Variants in IFNLR1 observed in about 807,000 individuals in gnomAD.
The protein encoded by IFNLR1 is CRF2-12.
A neutral mutation model predicts 52.5 loss-of-function variants in IFNLR1; 28 were observed. The observed-to-expected ratio is 0.53, with a 90% confidence interval of 0.40 to 0.73. IFNLR1 has a LOEUF of 0.73. Among genes scored for constraint, IFNLR1 ranks in the 30% least tolerant of loss-of-function variants. The pLI, the probability that IFNLR1 is intolerant of heterozygous loss-of-function variation, is 0.00. For synonymous variants in IFNLR1, 276 were observed against 274.9 expected (o/e 1.00, Z -0.04); for missense variants, 623 against 659.1 (o/e 0.95, Z 0.60).
In IFNLR1 at chr1:24,175,503, A is replaced by G. The variant is rs72650411; in HGVS notation, c.182+5228T>C. On this transcript the variant is annotated intron_variant, in intron 2 of 6. Transcript: ENST00000327535. ...GCATGTCCCATCACTTTATTTTCAA[A>G]GCACATAACCTGTCTGGTTTCACAG... Among the ~76,000 whole-genome samples the G allele has an allele frequency of 8.2e-3, 1,252 of 152,352 alleles. 15 individuals carry two copies. The highest frequency in any genetic ancestry group is 0.027 in the East Asian group (142 of 5,178).
intron 2 of IFNLR1, among the ~76,000 whole-genome samples, chr1:24,175,323 T>TG (rs1251224971): frequency 6.6e-6 from 1 of 152,234 alleles, no homozygotes; most frequent in Non-Finnish European, 1.5e-5. Context: ...GCCGCCCCAG[T>TG]GGGCCCAAAG....
At chr1:24,161,340 T>G in intron 4 of IFNLR1, 1 of 630,156 alleles carries the variant, frequency 1.6e-6, no homozygotes, top group East Asian at 2.8e-5. Flanking sequence ...CTGTACTGAA[T>G]CTGTTGACTT....
rs751730039 is a variant in IFNLR1, at chr1:24,157,649, A to G, written c.1044T>C (p.Ser348=). 6.2e-7 allele frequency: 1 copy of G among 1,609,034 alleles called. No individual in the cohort carries two copies. The highest frequency in any genetic ancestry group is 8.5e-7 in the Non-Finnish European group (1 of 1,177,546). The part of the protein sequence containing the change: ...VSFQPYIEPP[S]FLGQEHQAPG... ...GAGCCTGGTGCTCTTGCCCCAGGAA[A>G]GAAGGTGGTTCAATGTAGGGCTGGA... Residue 348 remains serine, a synonymous_variant, in exon 7 of 7, where the codon TCT becomes TCC. Transcript: ENST00000327535. The surrounding 1 kb of genome is among the most constrained non-coding windows in gnomAD (Gnocchi z 5.1).
At chr1:24,184,220 C>G (rs74060578) in intron 1 of IFNLR1, among the ~76,000 whole-genome samples, 1,696 of 152,282 alleles carry the variant, frequency 0.011, 27 homozygotes, top group African/African-American at 0.038. Context: ...CAGTTCTGCC[C>G]CTGGATATCC....
intron 2 of IFNLR1, 109 bp from the exon 3 acceptor site, chr1:24,169,710 G>T: frequency 1.7e-6 from 2 of 1,146,524 alleles, no homozygotes; most frequent in Non-Finnish European, 2.5e-6. Context: ...CTGACTTTAG[G>T]TCCATCCGTC....
intron 2 of IFNLR1, among the ~76,000 whole-genome samples, chr1:24,175,231 C>T (rs1257205174): frequency 6.6e-6 from 1 of 152,218 alleles, no homozygotes; most frequent in African/African-American, 2.4e-5. Flanking sequence ...ACACTGTCCC[C>T]TCCTTAGTTT....
intron 2 of IFNLR1, among the ~76,000 whole-genome samples, chr1:24,176,394 C>G (rs1017440988): frequency 6.6e-6 from 1 of 152,186 alleles, no homozygotes; most frequent in African/African-American, 2.4e-5. Context: ...CGTCTTACAT[C>G]TTGATTGTGG....
At chr1:24,184,799 A>C (rs115855556) in intron 1 of IFNLR1, among the ~76,000 whole-genome samples, 9,875 of 152,150 alleles carry the variant, frequency 0.065, 456 homozygotes, top group Non-Finnish European at 0.095. Flanking sequence ...TAGGCAAATC[A>C]CCTGAGGTCA....
chr1:24,164,759 C>CTT (rs61550265), intron 3 of IFNLR1, among the ~76,000 whole-genome samples: 11 of 140,568 alleles, frequency 7.8e-5, no homozygotes, highest in Admixed American at 2.9e-4. Flanking sequence ...GGAGCAATCT[C>CTT]TTTTTTTTTT....
chr1:24,169,051 G>T (rs901615049), intron 3 of IFNLR1, among the ~76,000 whole-genome samples: 30 of 151,904 alleles, frequency 2.0e-4, no homozygotes, highest in African/African-American at 7.3e-4. Flanking sequence ...GCCCAGAATT[G>T]GTTTTAAACA....
intron 3 of IFNLR1, among the ~76,000 whole-genome samples, chr1:24,166,520 G>C (rs1644521775): frequency 6.6e-6 from 1 of 151,494 alleles, no homozygotes; most frequent in South Asian, 2.1e-4. Context: ...CCACCCATCT[G>C]CCTTTTCTTC....
At chr1:24,186,797 G>A (rs910916284) in intron 1 of IFNLR1, among the ~76,000 whole-genome samples, 4 of 152,346 alleles carry the variant, frequency 2.6e-5, no homozygotes, top group Admixed American at 6.5e-5. Flanking sequence ...GGAACGGGAA[G>A]GGACATCAAT....
rs570292636 is a variant in IFNLR1 at position 24,157,747 on chromosome 1, T to C, written c.946A>G (p.Thr316Ala). 14 of 1,614,082 alleles carry C rather than the reference T, an allele frequency of 8.7e-6. No homozygotes were observed. In the African/African-American group the frequency reaches 1.6e-4, roughly 18 times the overall value. ...PRVRAPATQQTRWKKDLAEDE... is the reference protein window; with the variant it reads ...PRVRAPATQQARWKKDLAEDE... ...TCTGCAAGGTCCTTCTTCCATCTTG[T>C]CTGTTGGGTGGCTGGGGCCCTGACT... The change falls in exon 7 of 7, where the codon ACA (threonine) becomes GCA (alanine). Residue 316 changes from threonine (T) to alanine (A), a missense_variant. By Grantham distance (58) the Thr-to-Ala change is moderately conservative. Coordinates refer to ENST00000327535, the MANE Select transcript of IFNLR1 (RefSeq NM_170743.4). The surrounding 1 kb of genome is among the most constrained non-coding windows in gnomAD (Gnocchi z 5.1).
At chr1:24,170,705 T>C (rs779851275) in intron 2 of IFNLR1, among the ~76,000 whole-genome samples, 6 of 152,132 alleles carry the variant, frequency 3.9e-5, no homozygotes, top group Non-Finnish European at 7.4e-5. Flanking sequence ...AAGGAGGCCA[T>C]GGTAGGGATG....
Position 24,169,493 on chromosome 1 carries a change from C to T in IFNLR1, c.291G>A (p.Lys97=), listed in dbSNP as rs1403716877. The T allele has an allele frequency of 3.1e-6, 5 of 1,614,212 alleles. No individual in the cohort carries two copies. The highest frequency in any genetic ancestry group is 4.2e-6 in the Non-Finnish European group (5 of 1,180,044). ...TGGGAGAAACCGTCCGCACGCGTCC[C>T]TTGAACTTGTTGTACAGGTCCTGTT... ...LKKQDLYNKF[K]GRVRTVSPSS... is the part of the protein sequence containing the mutation. Residue 97 remains lysine (K), a synonymous_variant, in exon 3 of 7, where the codon AAG becomes AAA. Transcript: ENST00000327535.
At chr1:24,172,517 G>C (rs1644591481) in intron 2 of IFNLR1, among the ~76,000 whole-genome samples, 1 of 151,986 alleles carries the variant, frequency 6.6e-6, no homozygotes. Flanking sequence ...TAAATCAGAA[G>C]GAATACAAGA....
At chr1:24,179,043 T>C (rs1014567049) in intron 2 of IFNLR1, among the ~76,000 whole-genome samples, 6 of 152,036 alleles carry the variant, frequency 3.9e-5, no homozygotes, top group African/African-American at 1.2e-4. Context: ...TGGGCTCAAG[T>C]GATCCTCCCC....
chr1:24,158,736 C>T (rs531259598), intron 6 of IFNLR1, among the ~76,000 whole-genome samples: 13 of 152,320 alleles, frequency 8.5e-5, no homozygotes, highest in African/African-American at 2.9e-4. Context: ...GGTGCCTCCT[C>T]TCCTCCCCTT....
In IFNLR1 at chr1:24,187,225, G is replaced by T; in HGVS notation, c.24C>A (p.Gly8=). MAGPERW[G]PLLLCLLQAA... ...CCTGCAGCAGGCACAGGAGCAGGGG[G>T]CCCCAGCGCTCGGGCCCCGCCATGG... Residue 8 remains glycine, a synonymous_variant, in exon 1 of 7, where the codon GGC becomes GGA. Transcript: ENST00000327535. 2 of 1,291,912 alleles carry T rather than the reference G, an allele frequency of 1.5e-6. No homozygotes were observed. The highest frequency in any genetic ancestry group is 2.0e-6 in the Non-Finnish European group (2 of 1,019,500). 80.0% of individuals were successfully genotyped at this position (1,291,912 alleles called of 1,614,324 possible).
Sources: allele counts gnomAD v4.1 joint callset (sites outside exome capture counted in the v4.1 genomes callset), GRCh38; gene constraint gnomAD v4.1.1; non-coding constraint Gnocchi (gnomAD v3.1); transcripts MANE v1.5; gene names NCBI Gene and HGNC (gene_info 2026-07-23, HGNC 2026-07-21).